The following RBFOX1 variants were observed in gnomAD, a reference collection of about 807,000 sequenced individuals.
RBFOX1 encodes RNA binding protein fox-1 homolog 1.
A neutral mutation model predicts 57.7 loss-of-function variants in RBFOX1; 8 were observed. The ratio of observed to expected loss-of-function variants is 0.14; its 90% CI spans 0.08 to 0.25. The LOEUF (loss-of-function observed/expected upper bound fraction) is 0.25. Among genes scored for constraint, RBFOX1 ranks in the 10% least tolerant of loss-of-function variants. RBFOX1 has a pLI of 1.00. For synonymous variants in RBFOX1, 326 were observed against 222.4 expected (o/e 1.47, Z -4.15); for missense variants, 611 against 548.5 (o/e 1.11, Z -1.14).
chr16:6,452,260 A>G (rs961895693), intron 2 of RBFOX1, among the ~76,000 whole-genome samples: 2 of 146,332 alleles, frequency 1.4e-5, no homozygotes, highest in African/African-American at 2.6e-5. Flanking sequence ...CCATGACTCC[A>G]TCCATGGCTC....
At chr16:7,371,129 G>C (rs1361062505) in intron 4 of RBFOX1, among the ~76,000 whole-genome samples, 1 of 152,124 alleles carries the variant, frequency 6.6e-6, no homozygotes, top group South Asian at 2.1e-4. Flanking sequence ...GCCAAGGCCT[G>C]CCTTTTACTC....
intron 1 of RBFOX1, among the ~76,000 whole-genome samples, chr16:5,311,702 A>T (rs2064094235): frequency 6.6e-6 from 1 of 152,198 alleles, no homozygotes; most frequent in Non-Finnish European, 1.5e-5. Context: ...TCTTCTTTTG[A>T]GAAATGTCTA....
chr16:7,376,089 A>C (rs1368310026), intron 4 of RBFOX1, among the ~76,000 whole-genome samples: 1 of 152,166 alleles, frequency 6.6e-6, no homozygotes, highest in Non-Finnish European at 1.5e-5. Flanking sequence ...GGGAGTGTAC[A>C]TTTCTAAGGC....
At chr16:6,276,585 C>T (rs533313793) in intron 1 of RBFOX1, among the ~76,000 whole-genome samples, 190 of 152,286 alleles carry the variant, frequency 1.2e-3, no homozygotes, top group African/African-American at 4.2e-3. Context: ...TCAAGTGATC[C>T]TTCCACCTTG....
intron 4 of RBFOX1, among the ~76,000 whole-genome samples, chr16:7,349,525 A>G (rs2097088264): frequency 8.3e-6 from 1 of 120,276 alleles, no homozygotes; most frequent in South Asian, 3.3e-4. Context: ...GAAAATTTAA[A>G]AGACTTTTTT....
intron 4 of RBFOX1, among the ~76,000 whole-genome samples, chr16:7,420,941 A>G: frequency 6.8e-6 from 1 of 146,902 alleles, no homozygotes; most frequent in Admixed American, 6.8e-5. Context: ...ATATATATAC[A>G]CACACACACA....
chr16:5,744,462 G>A (rs560038046), intron 3 of RBFOX1, among the ~76,000 whole-genome samples: 1 of 152,112 alleles, frequency 6.6e-6, no homozygotes, highest in Non-Finnish European at 1.5e-5. Flanking sequence ...ACCCCCCATC[G>A]ATGCTGGACC....
chr16:7,085,880 C>G (rs532500081), intron 4 of RBFOX1, among the ~76,000 whole-genome samples: 3 of 152,170 alleles, frequency 2.0e-5, no homozygotes, highest in Non-Finnish European at 4.4e-5. Flanking sequence ...CCGTTCTGCC[C>G]CATCAAACCA....
intron 2 of RBFOX1, among the ~76,000 whole-genome samples, chr16:6,462,571 A>G (rs1055150959): frequency 1.3e-5 from 2 of 152,192 alleles, no homozygotes; most frequent in Admixed American, 6.5e-5. Context: ...AAGCATTGCT[A>G]TAAGAAACAT....
chr16:6,484,591 C>T (rs1211730514), intron 2 of RBFOX1, among the ~76,000 whole-genome samples: 1 of 152,170 alleles, frequency 6.6e-6, no homozygotes, highest in Admixed American at 6.5e-5. Flanking sequence ...TGACATCCAT[C>T]AGTCTACAAT....
At chr16:6,690,607 C>G (rs1276983340) in intron 3 of RBFOX1, among the ~76,000 whole-genome samples, 1 of 151,976 alleles carries the variant, frequency 6.6e-6, no homozygotes, top group Non-Finnish European at 1.5e-5. Flanking sequence ...TTTAGTAAGA[C>G]CAAGCAGGGA....
intron 4 of RBFOX1, among the ~76,000 whole-genome samples, chr16:7,324,301 CA>C (rs1300456318): frequency 6.6e-6 from 1 of 152,142 alleles, no homozygotes; most frequent in Non-Finnish European, 1.5e-5. Flanking sequence ...GGAATTAGTA[CA>C]AAAATCCTCA....
chr16:6,465,894 G>GTGTGTGTT (rs2095038252), intron 2 of RBFOX1, among the ~76,000 whole-genome samples: 1 of 151,952 alleles, frequency 6.6e-6, no homozygotes, highest in Non-Finnish European at 1.5e-5. Context: ...TTGTGTGTGT[G>GTGTGTGTT]TGTGTGTGTT....
At chr16:5,736,986 T>A (rs1174071128) in intron 3 of RBFOX1, among the ~76,000 whole-genome samples, 2 of 150,728 alleles carry the variant, frequency 1.3e-5, no homozygotes, top group Non-Finnish European at 3.0e-5. Context: ...TATCTTTCTC[T>A]GATTCTGTTT....
chr16:6,151,685 G>C (rs1057033879), intron 1 of RBFOX1, among the ~76,000 whole-genome samples: 12 of 152,232 alleles, frequency 7.9e-5, no homozygotes, highest in African/African-American at 1.9e-4. Context: ...TGTTAGAAGA[G>C]GGGGAGGTAT....
intron 1 of RBFOX1, among the ~76,000 whole-genome samples, chr16:6,082,455 C>T (rs1425234662): frequency 7.0e-6 from 1 of 142,602 alleles, no homozygotes; most frequent in African/African-American, 2.6e-5. Context: ...AGGTTTGAGC[C>T]ACCGTGCCCA....
chr16:6,343,595 C>G (rs1397750625), intron 2 of RBFOX1, among the ~76,000 whole-genome samples: 1 of 152,074 alleles, frequency 6.6e-6, no homozygotes, highest in Non-Finnish European at 1.5e-5. Flanking sequence ...CAATAATAAC[C>G]AAAACAAAAC....
At chr16:7,418,683 C>G (rs558570868) in intron 4 of RBFOX1, among the ~76,000 whole-genome samples, 1 of 152,110 alleles carries the variant, frequency 6.6e-6, no homozygotes, top group Non-Finnish European at 1.5e-5. Context: ...CTTACTTTTG[C>G]AAACCTGGAA....
intron 3 of RBFOX1, among the ~76,000 whole-genome samples, chr16:5,770,487 CTTGTTTAG>C (rs2053941417): frequency 6.6e-6 from 1 of 152,178 alleles, no homozygotes; most frequent in Non-Finnish European, 1.5e-5. Context: ...TAACCCACCC[CTTGTTTAG>C]CATATAATTA....
Sources: allele counts gnomAD v4.1 joint callset (sites outside exome capture counted in the v4.1 genomes callset), GRCh38; gene constraint gnomAD v4.1.1; transcripts MANE v1.5; gene names NCBI Gene and HGNC (gene_info 2026-07-23, HGNC 2026-07-21).